The following GSK3B variants were observed in gnomAD, a reference collection of about 807,000 sequenced individuals.
GSK3B encodes the protein glycogen synthase kinase-3 beta.
A neutral mutation model predicts 56.4 loss-of-function variants in GSK3B; 15 were observed. The observed-to-expected ratio is 0.27, with a 90% CI of 0.18 to 0.41. The LOEUF (loss-of-function observed/expected upper bound fraction) is 0.41. Ranked by LOEUF, GSK3B falls within the 10% of genes least tolerant of loss-of-function variation. GSK3B has a pLI of 1.00. For synonymous variants in GSK3B, 181 were observed against 188.9 expected (o/e 0.96, Z 0.34); for missense variants, 300 against 513.4 (o/e 0.58, Z 4.02).
chr3:119,924,383 T>C (rs1228204096), intron 3 of GSK3B, among the ~76,000 whole-genome samples: 3 of 152,194 alleles, frequency 2.0e-5, no homozygotes, highest in Non-Finnish European at 4.4e-5. Context: ...TTTCACAATC[T>C]CCCAATTTGA....
chr3:120,027,448 G>C (rs1435828851), intron 1 of GSK3B, among the ~76,000 whole-genome samples: 1 of 150,818 alleles, frequency 6.6e-6, no homozygotes, highest in Non-Finnish European at 1.5e-5. Context: ...CCCTTTCTAG[G>C]AATATGGCAA....
intron 2 of GSK3B, among the ~76,000 whole-genome samples, chr3:119,978,489 CCTTT>C (rs1263524936): frequency 2.0e-5 from 3 of 152,172 alleles, no homozygotes; most frequent in Admixed American, 6.5e-5. Context: ...GTGTTTCTTT[CCTTT>C]CTTTAACTCT....
chr3:120,027,003 G>A (rs531442962), intron 1 of GSK3B, among the ~76,000 whole-genome samples: 17 of 150,640 alleles, frequency 1.1e-4, no homozygotes, highest in East Asian at 6.0e-4. Context: ...CCCAGGAGGC[G>A]GAGGTTGCAG....
intron 10 of GSK3B, 62 bp from the exon 11 acceptor site, chr3:119,826,917 G>T: frequency 9.8e-7 from 1 of 1,020,310 alleles, no homozygotes; most frequent in Non-Finnish European, 1.5e-6. Context: ...AAGAGAACAA[G>T]TACACTGTTT....
At chr3:119,921,592 A>C (rs2056840135) in intron 4 of GSK3B, among the ~76,000 whole-genome samples, 1 of 152,224 alleles carries the variant, frequency 6.6e-6, no homozygotes, top group Non-Finnish European at 1.5e-5. Flanking sequence ...AGACCAAGAA[A>C]GTATAGGTCA....
intron 3 of GSK3B, among the ~76,000 whole-genome samples, chr3:119,926,341 C>CACAG (rs1434362891): frequency 2.0e-5 from 3 of 151,192 alleles, no homozygotes; most frequent in African/African-American, 7.4e-5. Context: ...CACACACACA[C>CACAG]ACACACACAC....
chr3:119,845,837 A>ATTTCATATGG (rs1190556900), intron 9 of GSK3B, among the ~76,000 whole-genome samples: 1 of 152,242 alleles, frequency 6.6e-6, no homozygotes, highest in East Asian at 1.9e-4. Flanking sequence ...TGGAACCAAA[A>ATTTCATATGG]AAGAGCCCGT....
chr3:119,865,466 A>ATATATTTT (rs1244552588), intron 8 of GSK3B, among the ~76,000 whole-genome samples: 1 of 34,112 alleles, frequency 2.9e-5, no homozygotes, highest in African/African-American at 1.1e-4. Flanking sequence ...ATATATATAT[A>ATATATTTT]TTTTTTTTTT....
chr3:119,891,272 A>T (rs115404538), intron 7 of GSK3B, among the ~76,000 whole-genome samples: 1 of 152,042 alleles, frequency 6.6e-6, no homozygotes, highest in Non-Finnish European at 1.5e-5. Flanking sequence ...TAAGGACTGG[A>T]TTATAGATGG....
intron 9 of GSK3B, among the ~76,000 whole-genome samples, chr3:119,857,357 C>T (rs563555905): frequency 6.6e-6 from 1 of 152,308 alleles, no homozygotes; most frequent in African/African-American, 2.4e-5. Context: ...CCTCTCAAAC[C>T]CTGTCACCGC....
intron 2 of GSK3B, among the ~76,000 whole-genome samples, chr3:119,971,952 C>A (rs868227839): frequency 6.6e-6 from 1 of 152,154 alleles, no homozygotes; most frequent in African/African-American, 2.4e-5. Context: ...TCCCTAATTT[C>A]TTTAAAAATT....
At chr3:119,972,716 T>G (rs185513727) in intron 2 of GSK3B, among the ~76,000 whole-genome samples, 2 of 152,206 alleles carry the variant, frequency 1.3e-5, no homozygotes, top group Admixed American at 1.3e-4. Flanking sequence ...ATTACAGGTG[T>G]GAGCCACCGC....
chr3:120,059,983 A>T (rs994342899), intron 1 of GSK3B, among the ~76,000 whole-genome samples: 9 of 152,214 alleles, frequency 5.9e-5, no homozygotes, highest in Admixed American at 2.0e-4. Flanking sequence ...TTCAAAAAAA[A>T]TTTTACTGAA....
intron 9 of GSK3B, among the ~76,000 whole-genome samples, chr3:119,853,464 A>G (rs1577316575): frequency 6.6e-6 from 1 of 152,180 alleles, no homozygotes; most frequent in Non-Finnish European, 1.5e-5. Context: ...GAAGAAAGTC[A>G]TTGGTAGCTT....
At chr3:119,977,461 T>A (rs1377797730) in intron 2 of GSK3B, among the ~76,000 whole-genome samples, 1 of 152,204 alleles carries the variant, frequency 6.6e-6, no homozygotes, top group African/African-American at 2.4e-5. Flanking sequence ...TTGGTAACTT[T>A]GGTTTGAGGA....
chr3:119,905,116 G>T lies in GSK3B; in HGVS notation c.813+639C>A, dbSNP rs558862864. Among the ~76,000 whole-genome samples the T allele has an allele frequency of 7.3e-4, 110 of 151,650 alleles. 2 individuals carry two copies. In the South Asian group the frequency reaches 0.012, roughly 16 times the overall value. On this transcript the variant is annotated intron_variant, in intron 7 of 10. Transcript: ENST00000264235. Reference sequence around the variant, plus strand: ...AATATTTAAATATTTGTTAATAAAGGTGTATGTATGCAAAGCTGAATGAAA... The same window carrying T: ...AATATTTAAATATTTGTTAATAAAGTTGTATGTATGCAAAGCTGAATGAAA...
chr3:120,039,380 G>A (rs139535548), intron 1 of GSK3B, among the ~76,000 whole-genome samples: 1 of 152,156 alleles, frequency 6.6e-6, no homozygotes, highest in Non-Finnish European at 1.5e-5. Flanking sequence ...ATGTCTGTAA[G>A]ATACAATGAA....
chr3:119,882,527 C>T (rs2056391475), intron 7 of GSK3B, among the ~76,000 whole-genome samples: 2 of 152,124 alleles, frequency 1.3e-5, no homozygotes, highest in Admixed American at 6.6e-5. Context: ...ATCAATCCAC[C>T]TATTTTTTGA....
At chr3:119,941,452 T>G (rs1559846188) in intron 3 of GSK3B, among the ~76,000 whole-genome samples, 1 of 152,242 alleles carries the variant, frequency 6.6e-6, no homozygotes, top group East Asian at 1.9e-4. Context: ...CTATACAGAC[T>G]CTGGAGTCAG....
Sources: allele counts gnomAD v4.1 joint callset (sites outside exome capture counted in the v4.1 genomes callset), GRCh38; gene constraint gnomAD v4.1.1; transcripts MANE v1.5; gene names NCBI Gene and HGNC (gene_info 2026-07-23, HGNC 2026-07-21).